The following GRID2 variants were observed in gnomAD, a reference collection of about 807,000 sequenced individuals.
The protein encoded by GRID2 is glutamate ionotropic receptor delta type subunit 2, also known as glutamate receptor ionotropic, delta-2.
In GRID2, 33 loss-of-function variants were observed where a neutral mutation model predicts 114.8. The ratio of observed to expected loss-of-function variants is 0.29; its 90% CI spans 0.22 to 0.38. The LOEUF (loss-of-function observed/expected upper bound fraction) is 0.38. Ranked by LOEUF, GRID2 falls within the 10% of genes least tolerant of loss-of-function variation. The probability of loss-of-function intolerance (pLI) is 1.00; values close to 1 mark genes in which losing one functional copy is unlikely to be tolerated. For synonymous variants in GRID2, 505 were observed against 449.9 expected (o/e 1.12, Z -1.55); for missense variants, 1,184 against 1,257.7 (o/e 0.94, Z 0.89).
intron 2 of GRID2, among the ~76,000 whole-genome samples, chr4:92,863,359 T>A (rs1291100059): frequency 6.6e-6 from 1 of 152,120 alleles, no homozygotes; most frequent in African/African-American, 2.4e-5. Context: ...TATGAAGTTT[T>A]GAAATAATCA....
intron 1 of GRID2, among the ~76,000 whole-genome samples, chr4:92,454,140 A>G (rs993241021): frequency 1.3e-5 from 2 of 152,150 alleles, no homozygotes; most frequent in Non-Finnish European, 2.9e-5. Flanking sequence ...TTTCTCTGCT[A>G]TTACTTACAA....
intron 1 of GRID2, among the ~76,000 whole-genome samples, chr4:93,803,299 A>G (rs1734967436): frequency 6.6e-6 from 1 of 152,274 alleles, no homozygotes; most frequent in African/African-American, 2.4e-5. Flanking sequence ...TATCATTTAT[A>G]TAAGCAACTA....
At chr4:92,854,573 G>T (rs1039337803) in intron 2 of GRID2, among the ~76,000 whole-genome samples, 1 of 150,998 alleles carries the variant, frequency 6.6e-6, no homozygotes, top group African/African-American at 2.4e-5. Context: ...GTGTGTGTGT[G>T]TGTCTGTGTT....
intron 2 of GRID2, among the ~76,000 whole-genome samples, chr4:92,647,518 G>A (rs1359211035): frequency 6.7e-6 from 1 of 149,356 alleles, no homozygotes; most frequent in Admixed American, 6.6e-5. Context: ...AAACTATAAA[G>A]CCACTCTTTA....
chr4:92,403,004 G>C (rs902228069), intron 1 of GRID2, among the ~76,000 whole-genome samples: 1 of 152,124 alleles, frequency 6.6e-6, no homozygotes, highest in Admixed American at 6.6e-5. Flanking sequence ...ATTAGCTCTT[G>C]CTGCTTCATC....
At chr4:93,142,992 G>T in intron 4 of GRID2, among the ~76,000 whole-genome samples, 1 of 152,140 alleles carries the variant, frequency 6.6e-6, no homozygotes, top group East Asian at 1.9e-4. Flanking sequence ...GACCCAAATG[G>T]ATACACAATA....
chr4:92,656,382 A>G (rs1732236724), intron 2 of GRID2, among the ~76,000 whole-genome samples: 1 of 151,580 alleles, frequency 6.6e-6, no homozygotes, highest in Non-Finnish European at 1.5e-5. Context: ...ACTTTTTGCA[A>G]GTGTAAAGGT....
At chr4:92,522,711 A>G (rs546686587) in intron 1 of GRID2, among the ~76,000 whole-genome samples, 1 of 152,116 alleles carries the variant, frequency 6.6e-6, no homozygotes, top group South Asian at 2.1e-4. Flanking sequence ...CAGTAGTCAA[A>G]GATAACTTCA....
chr4:92,784,609 T>C (rs954496295), intron 2 of GRID2, among the ~76,000 whole-genome samples: 5 of 151,922 alleles, frequency 3.3e-5, no homozygotes, highest in Admixed American at 6.6e-5. Context: ...TCAGAAAATA[T>C]GAAATGATAA....
intron 8 of GRID2, among the ~76,000 whole-genome samples, chr4:93,268,527 A>G (rs1170855654): frequency 6.6e-6 from 1 of 152,190 alleles, no homozygotes; most frequent in Non-Finnish European, 1.5e-5. Flanking sequence ...GATAAATTCA[A>G]GCCTTTATAG....
intron 2 of GRID2, among the ~76,000 whole-genome samples, chr4:92,993,303 AC>A (rs1383931583): frequency 8.9e-4 from 135 of 151,678 alleles, no homozygotes; most frequent in African/African-American, 3.1e-3. Context: ...AAAAAAAAAA[AC>A]AAAAAACTTT....
chr4:93,022,226 A>T (rs1478633095), intron 2 of GRID2, among the ~76,000 whole-genome samples: 2 of 151,896 alleles, frequency 1.3e-5, no homozygotes, highest in African/African-American at 4.8e-5. Context: ...ACAAACACAC[A>T]CATATATATA....
chr4:92,868,016 TTTTCTTTCTTTCTTTCTTTCTTTC>T (rs57222462), intron 2 of GRID2, among the ~76,000 whole-genome samples: 6 of 132,768 alleles, frequency 4.5e-5, no homozygotes, highest in South Asian at 2.6e-4. Context: ...TACTGAAAGG[TTTTCTTTCTTTCTTTCTTTCTTTC>T]TTTCTTTCTT....
intron 4 of GRID2, among the ~76,000 whole-genome samples, chr4:93,175,964 A>AAT (rs1739313320): frequency 6.6e-6 from 1 of 152,170 alleles, no homozygotes; most frequent in Non-Finnish European, 1.5e-5. Context: ...AGTCATGAGA[A>AAT]ATCTTGAGGC....
intron 1 of GRID2, among the ~76,000 whole-genome samples, chr4:92,387,552 A>T (rs978765285): frequency 6.6e-6 from 1 of 151,916 alleles, no homozygotes; most frequent in Non-Finnish European, 1.5e-5. Flanking sequence ...TTTGACCAGG[A>T]TAGATGGGAG....
At chr4:92,359,264 C>A (rs1728494256) in intron 1 of GRID2, among the ~76,000 whole-genome samples, 1 of 151,838 alleles carries the variant, frequency 6.6e-6, no homozygotes, top group Admixed American at 6.6e-5. Context: ...ATCTAATGAT[C>A]AGTTGGAAAG....
At chr4:93,263,377 C>A (rs1005192246) in intron 8 of GRID2, among the ~76,000 whole-genome samples, 2 of 151,966 alleles carry the variant, frequency 1.3e-5, no homozygotes, top group Non-Finnish European at 2.9e-5. Flanking sequence ...CTTCCTCCAT[C>A]CCCCATTGTG....
chr4:92,733,426 A>T (rs1244186202), intron 2 of GRID2, among the ~76,000 whole-genome samples: 1 of 151,952 alleles, frequency 6.6e-6, no homozygotes, highest in East Asian at 1.9e-4. Flanking sequence ...CTATTCAGTG[A>T]CCTCTCCCGA....
chr4:93,278,267 T>TAAA, intron 8 of GRID2, among the ~76,000 whole-genome samples: 1 of 148,376 alleles, frequency 6.7e-6, no homozygotes, highest in Non-Finnish European at 1.5e-5. Flanking sequence ...ATTTTGACTT[T>TAAA]AAAAAAAAAA....
Sources: allele counts gnomAD v4.1 joint callset (sites outside exome capture counted in the v4.1 genomes callset), GRCh38; gene constraint gnomAD v4.1.1; transcripts MANE v1.5; gene names NCBI Gene and HGNC (gene_info 2026-07-23, HGNC 2026-07-21).